Variants in PPP3CA observed in about 807,000 individuals in gnomAD.
The protein encoded by PPP3CA is protein phosphatase 3 catalytic subunit alpha.
In PPP3CA, 14 loss-of-function variants were observed where a neutral mutation model predicts 66.5. The ratio of observed to expected loss-of-function variants is 0.21; its 90% confidence interval spans 0.14 to 0.33. The LOEUF (loss-of-function observed/expected upper bound fraction) is 0.33, where lower values mean the gene tolerates loss of function less well. Among genes scored for constraint, PPP3CA ranks in the 10% least tolerant of loss-of-function variants. The pLI, the probability that PPP3CA is intolerant of heterozygous loss-of-function variation, is 1.00. For missense variants in PPP3CA, 317 were observed against 639.5 expected, an observed-to-expected ratio of 0.50 and a Z score of 5.44; for synonymous variants, 232 against 226.2, an observed-to-expected ratio of 1.03 and a Z score of -0.23.
At chr4:101,230,211 T>C (rs544457439) in intron 1 of PPP3CA, among the ~76,000 whole-genome samples, 3 of 151,608 alleles carry the variant, frequency 2.0e-5, no homozygotes, top group African/African-American at 7.3e-5. Context: ...ATTTTTAATA[T>C]GTCAACCAGA....
chr4:101,283,161 G>C (rs772655791), intron 1 of PPP3CA, among the ~76,000 whole-genome samples: 1 of 152,122 alleles, frequency 6.6e-6, no homozygotes, highest in African/African-American at 2.4e-5. Flanking sequence ...AAAAATTTAC[G>C]GGAAAGCGTC....
chr4:101,157,377 CAAG>C (rs1226467887), intron 2 of PPP3CA, among the ~76,000 whole-genome samples: 1 of 151,842 alleles, frequency 6.6e-6, no homozygotes, highest in African/African-American at 2.4e-5. Context: ...GCATTTGTGT[CAAG>C]AAGAAGACAA....
chr4:101,047,655 C>T (rs959797180), intron 10 of PPP3CA, among the ~76,000 whole-genome samples: 3 of 151,956 alleles, frequency 2.0e-5, no homozygotes, highest in African/African-American at 7.3e-5. Context: ...AGGATCTCTC[C>T]ATGTGGCCCA....
intron 2 of PPP3CA, among the ~76,000 whole-genome samples, chr4:101,195,441 G>A (rs954332835): frequency 2.0e-5 from 3 of 152,170 alleles, no homozygotes; most frequent in African/African-American, 7.2e-5. Context: ...CTGTGATTCA[G>A]TAGGCTGGAG....
At chr4:101,075,303 T>G (rs1729137229) in intron 8 of PPP3CA, among the ~76,000 whole-genome samples, 1 of 152,220 alleles carries the variant, frequency 6.6e-6, no homozygotes, top group African/African-American at 2.4e-5. Flanking sequence ...TGGTTATCAT[T>G]TAAATGTTTG....
At chr4:101,191,754 TG>T (rs1578538427) in intron 2 of PPP3CA, among the ~76,000 whole-genome samples, 1 of 152,178 alleles carries the variant, frequency 6.6e-6, no homozygotes, top group South Asian at 2.1e-4. Context: ...CGTCAGCTGC[TG>T]TAAGGGAAGG....
At chr4:101,061,051 G>A in intron 10 of PPP3CA, 36 bp downstream of exon 10, 1 of 1,542,820 alleles carries the variant, frequency 6.5e-7, no homozygotes, top group Non-Finnish European at 9.0e-7. Flanking sequence ...TAATTATCTG[G>A]CAAATAGCAT....
At chr4:101,112,248 A>T (rs1329810755) in intron 2 of PPP3CA, among the ~76,000 whole-genome samples, 1 of 152,172 alleles carries the variant, frequency 6.6e-6, no homozygotes, top group Non-Finnish European at 1.5e-5. Context: ...CTTTTGCTTA[A>T]GTATAGAAGT....
intron 1 of PPP3CA, among the ~76,000 whole-genome samples, chr4:101,254,220 G>A (rs961202479): frequency 1.8e-4 from 28 of 151,952 alleles, no homozygotes; most frequent in South Asian, 2.1e-4. Flanking sequence ...AATACTGGGA[G>A]GATATAGCTG....
chr4:101,030,357 A>C (rs1560569430), intron 12 of PPP3CA, among the ~76,000 whole-genome samples: 1 of 152,130 alleles, frequency 6.6e-6, no homozygotes, highest in Non-Finnish European at 1.5e-5. Flanking sequence ...AAAAATGGAG[A>C]ATGGTTATCA....
intron 2 of PPP3CA, among the ~76,000 whole-genome samples, chr4:101,181,693 A>G (rs1423501323): frequency 6.6e-6 from 1 of 152,094 alleles, no homozygotes; most frequent in African/African-American, 2.4e-5. Context: ...TGAAAGGATT[A>G]TACAAAATAA....
chr4:101,293,640 C>A (rs1250926570), intron 1 of PPP3CA, among the ~76,000 whole-genome samples: 1 of 152,202 alleles, frequency 6.6e-6, no homozygotes, highest in Non-Finnish European at 1.5e-5. Context: ...TGCTCCTGTT[C>A]CCCACCTGCA....
At chr4:101,160,690 G>A in intron 2 of PPP3CA, among the ~76,000 whole-genome samples, 1 of 151,970 alleles carries the variant, frequency 6.6e-6, no homozygotes, top group East Asian at 1.9e-4. Context: ...TGATTTTCAT[G>A]AATCAATAGC....
At chr4:101,344,523 T>C (rs1217699102) in intron 1 of PPP3CA, among the ~76,000 whole-genome samples, 1 of 152,156 alleles carries the variant, frequency 6.6e-6, no homozygotes, top group Admixed American at 6.5e-5. Context: ...TCAAAACAAA[T>C]GCAAAATTAA....
chr4:101,044,455 T>A (rs912112733), intron 10 of PPP3CA, among the ~76,000 whole-genome samples: 1 of 152,182 alleles, frequency 6.6e-6, no homozygotes, highest in Non-Finnish European at 1.5e-5. Context: ...TATTAAATAA[T>A]GAAGACACAT....
At chr4:101,189,635 G>T (rs972859915) in intron 2 of PPP3CA, among the ~76,000 whole-genome samples, 1 of 141,646 alleles carries the variant, frequency 7.1e-6, no homozygotes, top group Non-Finnish European at 1.5e-5. Context: ...TTTTTCACAG[G>T]GTTATGTGAA....
chr4:101,100,745 A>G (rs1228041884), intron 3 of PPP3CA, among the ~76,000 whole-genome samples: 6 of 152,188 alleles, frequency 3.9e-5, no homozygotes, highest in Non-Finnish European at 7.4e-5. Context: ...AAAAACTACA[A>G]AAATATTGAG....
chr4:101,033,407 T>C (rs1727099924), intron 11 of PPP3CA, among the ~76,000 whole-genome samples: 2 of 152,034 alleles, frequency 1.3e-5, no homozygotes, highest in Non-Finnish European at 2.9e-5. Flanking sequence ...ACAGAATTCC[T>C]GAACTTCTCC....
At chr4:101,048,509 CA>C (rs59988569) in intron 10 of PPP3CA, among the ~76,000 whole-genome samples, 711 of 66,096 alleles carry the variant, frequency 0.011, 3 homozygotes, top group African/African-American at 0.036. Flanking sequence ...TTTCTCTCAC[CA>C]AAAAAAAAAA....
Sources: allele counts gnomAD v4.1 joint callset (sites outside exome capture counted in the v4.1 genomes callset), GRCh38; gene constraint gnomAD v4.1.1; transcripts MANE v1.5; gene names NCBI Gene and HGNC (gene_info 2026-07-23, HGNC 2026-07-21).